Variants in PTPRM observed in about 807,000 individuals in gnomAD.
The protein encoded by PTPRM is receptor-type tyrosine-protein phosphatase mu.
PTPRM carries 47 observed loss-of-function variants against 186.7 expected under a neutral mutation model. The ratio of observed to expected loss-of-function variants is 0.25; its 90% CI spans 0.20 to 0.32. The LOEUF is 0.32. Among genes scored for constraint, PTPRM ranks in the 10% least tolerant of loss-of-function variants. The pLI is 1.00. For missense variants in PTPRM, 1,494 were observed against 1,865.0 expected, an observed-to-expected ratio of 0.80 and a Z score of 3.66; for synonymous variants, 668 against 674.9, an observed-to-expected ratio of 0.99 and a Z score of 0.16.
At chr18:7,615,685 A>G (rs1034222320) in intron 1 of PTPRM, among the ~76,000 whole-genome samples, 2 of 151,924 alleles carry the variant, frequency 1.3e-5, no homozygotes, top group African/African-American at 2.4e-5. Flanking sequence ...ATGGAAGACA[A>G]TTTTTCCACA....
At chr18:7,601,710 A>G (rs1347099816) in intron 1 of PTPRM, among the ~76,000 whole-genome samples, 1 of 152,244 alleles carries the variant, frequency 6.6e-6, no homozygotes, top group African/African-American at 2.4e-5. Flanking sequence ...ATATTTTAAA[A>G]GACCGCTTTA....
intron 27 of PTPRM, 65 bp downstream of exon 27, chr18:8,378,479 A>C: frequency 6.4e-7 from 1 of 1,560,568 alleles, no homozygotes; most frequent in Non-Finnish European, 8.8e-7. Context: ...TTTCAAGGTC[A>C]GCACCTGAGT....
intron 1 of PTPRM, among the ~76,000 whole-genome samples, chr18:7,594,051 T>A (rs1397653497): frequency 6.6e-6 from 1 of 152,208 alleles, no homozygotes; most frequent in African/African-American, 2.4e-5. Context: ...TGTCACTCTA[T>A]ACGACCCTCT....
chr18:8,218,028 A>C (rs759361541), intron 14 of PTPRM, among the ~76,000 whole-genome samples: 5 of 152,202 alleles, frequency 3.3e-5, no homozygotes, highest in Non-Finnish European at 7.3e-5. Context: ...CCGTTCCCAC[A>C]TAGAGAGCAA....
At chr18:7,604,464 G>T (rs911958856) in intron 1 of PTPRM, among the ~76,000 whole-genome samples, 1 of 152,366 alleles carries the variant, frequency 6.6e-6, no homozygotes, top group African/African-American at 2.4e-5. Flanking sequence ...TGAAGTCTTG[G>T]CATTAGTGAC....
intron 14 of PTPRM, among the ~76,000 whole-genome samples, chr18:8,235,476 T>TTTTTTG (rs1481569126): frequency 2.2e-5 from 3 of 136,774 alleles, no homozygotes; most frequent in Non-Finnish European, 3.1e-5. Flanking sequence ...TTTTTTTTTT[T>TTTTTTG]TTTAGCCTGG....
At chr18:7,972,478 T>TAAAAAAAAAAAAAAAAAA (rs1491072208) in intron 7 of PTPRM, among the ~76,000 whole-genome samples, 1 of 8,124 alleles carries the variant, frequency 1.2e-4, no homozygotes, top group African/African-American at 3.3e-4. Flanking sequence ...AAAAAAAACA[T>TAAAAAAAAAAAAAAAAAA]TAAAAAAAAA....
chr18:8,315,950 G>C, intron 21 of PTPRM, among the ~76,000 whole-genome samples: 1 of 152,114 alleles, frequency 6.6e-6, no homozygotes, highest in East Asian at 1.9e-4. Context: ...ACCCTCTCCA[G>C]GTTCCATTTA....
chr18:7,752,165 C>G (rs1276377288), intron 1 of PTPRM, among the ~76,000 whole-genome samples: 1 of 152,186 alleles, frequency 6.6e-6, no homozygotes, highest in East Asian at 1.9e-4. Flanking sequence ...TTGGTTTCAA[C>G]TCTTTATCTC....
chr18:7,812,369 A>G (rs1226406202), intron 2 of PTPRM, among the ~76,000 whole-genome samples: 1 of 152,172 alleles, frequency 6.6e-6, no homozygotes, highest in South Asian at 2.1e-4. Context: ...GCAGGAGCAT[A>G]TTTTATAAGC....
intron 2 of PTPRM, among the ~76,000 whole-genome samples, chr18:7,828,198 G>C (rs979148161): frequency 6.6e-6 from 1 of 151,526 alleles, no homozygotes; most frequent in South Asian, 2.1e-4. Flanking sequence ...TGAGTAACTA[G>C]TTTTGGGAAC....
intron 1 of PTPRM, among the ~76,000 whole-genome samples, chr18:7,742,533 G>C (rs562943611): frequency 2.9e-4 from 44 of 152,250 alleles, no homozygotes; most frequent in African/African-American, 1.0e-3. Flanking sequence ...CAGAAGTGCA[G>C]TTTTATCTTT....
chr18:7,714,400 C>T (rs1228322599), intron 1 of PTPRM, among the ~76,000 whole-genome samples: 1 of 151,956 alleles, frequency 6.6e-6, no homozygotes, highest in Non-Finnish European at 1.5e-5. Context: ...CACTAAATGC[C>T]CACAAGAGAA....
intron 2 of PTPRM, among the ~76,000 whole-genome samples, chr18:7,831,982 A>G (rs1398840949): frequency 1.3e-5 from 2 of 152,064 alleles, no homozygotes; most frequent in Admixed American, 6.6e-5. Flanking sequence ...GCTGAATAGT[A>G]CTCCATTGTG....
chr18:8,196,826 C>T (rs901722884), intron 14 of PTPRM, among the ~76,000 whole-genome samples: 5 of 152,110 alleles, frequency 3.3e-5, no homozygotes, highest in Non-Finnish European at 7.4e-5. Flanking sequence ...TTGATGTCAC[C>T]TCAGGGCAGT....
intron 1 of PTPRM, among the ~76,000 whole-genome samples, chr18:7,576,636 C>T (rs556503321): frequency 3.9e-5 from 6 of 152,156 alleles, no homozygotes; most frequent in East Asian, 3.9e-4. Context: ...CCACCATGCA[C>T]GGCTAATTAA....
At chr18:8,010,806 T>C (rs1344056741) in intron 7 of PTPRM, among the ~76,000 whole-genome samples, 1 of 152,124 alleles carries the variant, frequency 6.6e-6, no homozygotes, top group Non-Finnish European at 1.5e-5. Flanking sequence ...GAGGTAAAAT[T>C]CTTTGAGCCA....
intron 9 of PTPRM, among the ~76,000 whole-genome samples, chr18:8,079,485 C>G (rs1033758181): frequency 6.6e-5 from 10 of 152,132 alleles, no homozygotes; most frequent in African/African-American, 2.4e-4. Flanking sequence ...CTATTAACAG[C>G]TAGATACACA....
intron 7 of PTPRM, among the ~76,000 whole-genome samples, chr18:7,962,904 G>A (rs556554492): frequency 1.3e-5 from 2 of 152,314 alleles, no homozygotes; most frequent in Admixed American, 1.3e-4. Context: ...GGCCATGTGG[G>A]AGCTAATCTA....
Sources: allele counts gnomAD v4.1 joint callset (sites outside exome capture counted in the v4.1 genomes callset), GRCh38; gene constraint gnomAD v4.1.1; transcripts MANE v1.5; gene names NCBI Gene and HGNC (gene_info 2026-07-23, HGNC 2026-07-21).